TLE4: variants seen among roughly 807,000 people sequenced by gnomAD.
TLE4 encodes TLE family member 4, transcriptional corepressor.
In TLE4, 8 loss-of-function variants were observed where a neutral mutation model predicts 92.8. The ratio of observed to expected loss-of-function variants is 0.09; its 90% CI spans 0.05 to 0.16. TLE4 has a LOEUF of 0.16. Among genes scored for constraint, TLE4 ranks in the 10% least tolerant of loss-of-function variants. The pLI, the probability that TLE4 is intolerant of heterozygous loss-of-function variation, is 1.00. For synonymous variants in TLE4, 371 were observed against 374.1 expected (o/e 0.99, Z 0.10); for missense variants, 675 against 997.6 (o/e 0.68, Z 4.36).
At chr9:79,681,862 GTA>G (rs1491048186) in intron 8 of TLE4, among the ~76,000 whole-genome samples, 32 of 140,564 alleles carry the variant, frequency 2.3e-4, no homozygotes, top group African/African-American at 3.2e-4. Flanking sequence ...GTGTGTGTGT[GTA>G]TGTGTGTGTG....
At chr9:79,626,290 T>G (rs1230865063) in intron 5 of TLE4, among the ~76,000 whole-genome samples, 5 of 152,180 alleles carry the variant, frequency 3.3e-5, no homozygotes, top group African/African-American at 1.2e-4. Context: ...TTTGTATTAT[T>G]AAGCAGTGTG....
chr9:79,616,465 C>T (rs975413304), intron 5 of TLE4, among the ~76,000 whole-genome samples: 6 of 152,176 alleles, frequency 3.9e-5, no homozygotes. Flanking sequence ...GGAGCTCTGT[C>T]TCCTCTTGGG....
At chr9:79,606,202 T>G (rs1273146884) in intron 4 of TLE4, among the ~76,000 whole-genome samples, 16 of 116,754 alleles carry the variant, frequency 1.4e-4, no homozygotes, top group African/African-American at 1.6e-4. Context: ...TTTTTTTTTT[T>G]TTTTTTTTTT....
chr9:79,592,183 C>CTGT (rs1564202590), intron 4 of TLE4, among the ~76,000 whole-genome samples: 1 of 135,284 alleles, frequency 7.4e-6, no homozygotes, highest in Admixed American at 7.7e-5. Context: ...CTTCCTCTTC[C>CTGT]TCTTCTTCTT....
At position 79,726,653 on chromosome 9, in the gene TLE4, T is replaced by C. The variant is rs1438756608; in HGVS notation, c.*1509T>C. ...CTAAACTGTGCGTTGTACATAGTTC[T>C]AATGCATTGTATTGACCACCAGTAC... On this transcript the variant is annotated 3_prime_UTR_variant, in exon 20 of 20. Coordinates refer to ENST00000376552, the MANE Select transcript of TLE4 (RefSeq NM_007005.6). 3 of 152,670 alleles carry C rather than the reference T, an allele frequency of 2.0e-5. No individual in the cohort carries two copies. Among genetic ancestry groups the C allele is most frequent in the African/African-American group, 4.8e-5 (2 of 41,466 alleles). 9.5% of individuals were successfully genotyped at this position (152,670 alleles called of 1,614,324 possible).
intron 11 of TLE4, among the ~76,000 whole-genome samples, chr9:79,707,722 G>T (rs1304564708): frequency 6.6e-6 from 1 of 152,176 alleles, no homozygotes; most frequent in Non-Finnish European, 1.5e-5. Context: ...GCTTGGATGT[G>T]TTTTCTAATG....
chr9:79,673,007 G>A (rs2062668821), intron 8 of TLE4, among the ~76,000 whole-genome samples: 1 of 152,260 alleles, frequency 6.6e-6, no homozygotes, highest in Non-Finnish European at 1.5e-5. Flanking sequence ...AATCAATGTG[G>A]ATAGTCTTAG....
chr9:79,579,316 C>T (rs900344285), intron 4 of TLE4, among the ~76,000 whole-genome samples: 1 of 152,228 alleles, frequency 6.6e-6, no homozygotes, highest in Non-Finnish European at 1.5e-5. Context: ...AATGCTGCTT[C>T]TTCCCATCTT....
rs71364420 is a variant in TLE4, at chr9:79,606,187, GTTTTTTTTTTTTTTTTTTTTTTTT to G, written c.253-6454_253-6431del. Among the ~76,000 whole-genome samples, 301 of 28,728 alleles carry G rather than the reference GTTTTTTTTTTTTTTTTTTTTTTTT, an allele frequency of 0.01. 11 individuals carry two copies. In the East Asian group the frequency reaches 0.23, roughly 22 times the overall value. The allele number at this position is 28,728 out of a possible 152,430, so 18.8% of individuals were successfully genotyped here. A position where few individuals can be genotyped will look rare whatever the true frequency, so the allele number is the denominator to read the frequency against. On this transcript the variant is annotated intron_variant, in intron 4 of 19. Coordinates refer to ENST00000376552, the MANE Select transcript of TLE4 (RefSeq NM_007005.6). The stretch of plus-strand genomic sequence containing the variant: ...ATTGCTTTATTAAGCAGTAGTAGTT[GTTTTTTTTTTTTTTTTTTTTTTTT>G]TTTTTTTTTTTTTTAACAAGCACTT...
chr9:79,630,176 C>A (rs2053798528), intron 6 of TLE4, among the ~76,000 whole-genome samples: 1 of 152,170 alleles, frequency 6.6e-6, no homozygotes. Flanking sequence ...TTAATGAAAT[C>A]TGATGAAGCA....
At position 79,694,367 on chromosome 9, in the gene TLE4, G is replaced by A. The variant is rs149984308; in HGVS notation, c.610-10416G>A. Among the ~76,000 whole-genome samples, 429 of 152,298 alleles carry A rather than the reference G, an allele frequency of 2.8e-3. 1 individual carries two copies. Among genetic ancestry groups the A allele is most frequent in the African/African-American group, 9.9e-3 (410 of 41,574 alleles). ...CCTTTCAACATTTTAGCACTGGTTA[G>A]TGGAGTGCTCTTGTCTGGTTAGACC... On this transcript the variant is annotated intron_variant, in intron 8 of 19. Transcript: ENST00000376552.
intron 14 of TLE4, among the ~76,000 whole-genome samples, chr9:79,712,292 CAG>C (rs1340571148): frequency 6.6e-6 from 1 of 152,078 alleles, no homozygotes; most frequent in Admixed American, 6.6e-5. Context: ...CTTTATGTAA[CAG>C]AGCATGAAGA....
chr9:79,679,656 A>C (rs1035873308), intron 8 of TLE4, among the ~76,000 whole-genome samples: 1 of 152,108 alleles, frequency 6.6e-6, no homozygotes, highest in African/African-American at 2.4e-5. Flanking sequence ...TTCTCTTGCC[A>C]TTGCTTTTGG....
At position 79,725,063 on chromosome 9, in the gene TLE4, C is replaced by T. The variant is rs563304089; in HGVS notation, c.2241C>T (p.Ser747=). The T allele has an allele frequency of 3.1e-6, 5 of 1,613,696 alleles. 1 individual carries two copies. Among genetic ancestry groups the T allele is most frequent in the Middle Eastern group, 1.6e-4 (1 of 6,062 alleles). The part of the protein sequence containing the change: ...FQSKESSSVL[S]CDISVDDKYI... Reference sequence around the variant, plus strand: ...CCAAAGAATCCTCATCGGTGCTTAGCTGTGACATCTCCGTGGACGACAAAT... The same window carrying T: ...CCAAAGAATCCTCATCGGTGCTTAGTTGTGACATCTCCGTGGACGACAAAT... Residue 747 remains serine, a synonymous_variant, in exon 20 of 20, where the codon AGC becomes AGT. Coordinates refer to ENST00000376552, the MANE Select transcript of TLE4 (RefSeq NM_007005.6).
intron 8 of TLE4, among the ~76,000 whole-genome samples, chr9:79,683,742 T>C (rs149842854): frequency 7.2e-5 from 11 of 152,320 alleles, no homozygotes; most frequent in African/African-American, 2.2e-4. Flanking sequence ...GTCAGAAATA[T>C]TACATTCTAA....
At position 79,627,357 on chromosome 9, in the gene TLE4, C is replaced by T; in HGVS notation, c.316-17C>T. ...GAAAACAAATAATTGTATTCTGTTTCTGATCTTCATTTATAGCACCAGCAA... is the reference window on the plus strand; with the variant it reads ...GAAAACAAATAATTGTATTCTGTTTTTGATCTTCATTTATAGCACCAGCAA... On this transcript the variant is annotated splice_polypyrimidine_tract_variant and intron_variant, in intron 5 of 19. Transcript: ENST00000376552. The T allele has an allele frequency of 6.2e-7, 1 of 1,613,772 alleles. No individual in the cohort carries two copies. Among genetic ancestry groups the T allele is most frequent in the Non-Finnish European group, 8.5e-7 (1 of 1,179,686 alleles).
Position 79,704,800 on chromosome 9 carries a change from A to G in TLE4, c.627A>G (p.Pro209=), listed in dbSNP as rs760365485. 3.7e-6 allele frequency: 6 copies of G among 1,614,138 alleles called. No individual in the cohort carries two copies. The highest frequency in any genetic ancestry group is 5.1e-6 in the Non-Finnish European group (6 of 1,180,010). Residue 209 remains proline (P), a synonymous_variant, in exon 9 of 20, where the codon CCA becomes CCG. Transcript: ENST00000376552. ...RDSIKSSSVS[P]SASFRGAEKH... is the part of the protein sequence containing the mutation. ...AATTCCAGAGCTCTTCAGTATCCCC[A>G]TCAGCCAGTTTCCGAGGTGCTGAGA...
intron 5 of TLE4, among the ~76,000 whole-genome samples, chr9:79,614,722 CAT>C (rs2049110055): frequency 6.6e-6 from 1 of 152,196 alleles, no homozygotes; most frequent in Admixed American, 6.5e-5. Flanking sequence ...CTGTGGGCCA[CAT>C]GTGGCCCAGG....
intron 4 of TLE4, among the ~76,000 whole-genome samples, chr9:79,602,566 C>G (rs2045900005): frequency 6.6e-6 from 1 of 152,144 alleles, no homozygotes; most frequent in Non-Finnish European, 1.5e-5. Context: ...CTGTTTATAG[C>G]ATGGTTTACT....
Sources: gnomAD v4.1 joint callset for allele counts (sites outside exome capture counted in the v4.1 genomes callset) on GRCh38, gnomAD v4.1.1 for gene constraint, MANE v1.5 for transcripts, NCBI Gene and HGNC (gene_info 2026-07-23, HGNC 2026-07-21) for gene names.